Variants in PHF21A observed in about 807,000 individuals in gnomAD.
PHF21A encodes PHD finger protein 21A, also known as BHC80a.
A neutral mutation model predicts 82.5 loss-of-function variants in PHF21A; 11 were observed. The observed-to-expected ratio is 0.13, with a 90% CI of 0.08 to 0.22. The LOEUF (loss-of-function observed/expected upper bound fraction) is 0.22, where lower values mean the gene tolerates loss of function less well. Among genes scored for constraint, PHF21A ranks in the 10% least tolerant of loss-of-function variants. The probability of loss-of-function intolerance (pLI) is 1.00; values close to 1 mark genes in which losing one functional copy is unlikely to be tolerated. For missense variants in PHF21A, 579 were observed against 837.8 expected, an observed-to-expected ratio of 0.69 and a Z score of 3.81; for synonymous variants, 297 against 302.8, an observed-to-expected ratio of 0.98 and a Z score of 0.20.
intron 7 of PHF21A, among the ~76,000 whole-genome samples, chr11:45,974,439 T>G (rs1238368791): frequency 6.6e-6 from 1 of 150,592 alleles, no homozygotes; most frequent in Non-Finnish European, 1.5e-5. Flanking sequence ...TTATTATTAT[T>G]ATTATTATTA....
At chr11:46,084,386 A>G (rs1277271294) in intron 3 of PHF21A, 84 bp from the exon 4 acceptor site, 2 of 501,622 alleles carry the variant, frequency 4.0e-6, no homozygotes, top group Non-Finnish European at 3.3e-6. Context: ...TAGTAAAAGA[A>G]TATCTGATTC....
At chr11:45,952,210 C>T (rs191699060) in intron 11 of PHF21A, among the ~76,000 whole-genome samples, 1 of 152,244 alleles carries the variant, frequency 6.6e-6, no homozygotes, top group Admixed American at 6.5e-5. Context: ...TGATTCTGTC[C>T]AACTAGAAGG....
rs532473580 is a variant in PHF21A at position 45,965,380 on chromosome 11, T to C, written c.931A>G (p.Thr311Ala). Residue 311 changes from threonine (T) to alanine (A), a missense_variant, in exon 10 of 19, where the codon ACT (threonine) becomes GCT (alanine). This residue lies in a region of PHF21A where 410 missense variants were observed against 642.1 expected (regional missense o/e 0.64). Coordinates refer to ENST00000676320, the MANE Select transcript of PHF21A (RefSeq NM_001352027.3). The part of the protein sequence containing the change: ...MAQLTSIVIA[T>A]PGTRLAGPQT... ...GGTCCAGCGAGTCTGGTCCCTGGAG[T>C]AGCTATCACAATGCTGGTGAGCTGG... The C allele has an allele frequency of 4.3e-6, 7 of 1,614,038 alleles. No individual in the cohort carries two copies. In the South Asian group the frequency reaches 6.6e-5, roughly 15 times the overall value.
At chr11:46,038,651 GC>G (rs2096065099) in intron 6 of PHF21A, among the ~76,000 whole-genome samples, 1 of 152,178 alleles carries the variant, frequency 6.6e-6, no homozygotes, top group African/African-American at 2.4e-5. Flanking sequence ...TCTGGTGAGA[GC>G]TTTTTTGCTC....
At chr11:45,982,373 C>T (rs2094335815) in intron 6 of PHF21A, among the ~76,000 whole-genome samples, 1 of 151,962 alleles carries the variant, frequency 6.6e-6, no homozygotes, top group African/African-American at 2.4e-5. Context: ...GCTAGCACTG[C>T]CTCTCTGAGT....
At chr11:46,101,093 C>T (rs947915460) in intron 1 of PHF21A, among the ~76,000 whole-genome samples, 5 of 152,178 alleles carry the variant, frequency 3.3e-5, no homozygotes, top group Admixed American at 1.3e-4. Context: ...TCCATACAAC[C>T]ATCACAGACA....
intron 6 of PHF21A, among the ~76,000 whole-genome samples, chr11:46,057,841 T>A (rs2096482160): frequency 1.3e-5 from 2 of 152,064 alleles, no homozygotes; most frequent in South Asian, 4.2e-4. Context: ...AAAAATATGG[T>A]GCTTAAGGGA....
intron 1 of PHF21A, among the ~76,000 whole-genome samples, chr11:46,099,523 GACACACACACACACAC>G (rs71038882): frequency 2.2e-5 from 3 of 137,590 alleles, no homozygotes; most frequent in South Asian, 2.5e-4. Context: ...AGAAAAATTA[GACACACACACACACAC>G]ACACACACAC....
chr11:46,117,130 T>C (rs986921692), intron 1 of PHF21A: 12 of 152,218 alleles, frequency 7.9e-5, no homozygotes, highest in African/African-American at 2.2e-4. Context: ...TTTCTTACCA[T>C]TTATGAAGAA....
At chr11:46,118,628 A>C (rs1276940143) in intron 1 of PHF21A, 2 of 152,204 alleles carry the variant, frequency 1.3e-5, no homozygotes, top group Non-Finnish European at 2.9e-5. Context: ...CTGGGATTTG[A>C]AAATGTATTT....
chr11:46,035,161 C>A (rs1043278024), intron 6 of PHF21A, among the ~76,000 whole-genome samples: 1 of 152,144 alleles, frequency 6.6e-6, no homozygotes, highest in Non-Finnish European at 1.5e-5. Context: ...CTAGTTTGAG[C>A]TGAATGTGTA....
At chr11:45,963,781 G>A (rs978713747) in intron 10 of PHF21A, among the ~76,000 whole-genome samples, 2 of 152,212 alleles carry the variant, frequency 1.3e-5, no homozygotes, top group African/African-American at 4.8e-5. Flanking sequence ...TTCTTTGAGA[G>A]CCAGTGCAAA....
At chr11:46,026,127 T>C (rs1202129652) in intron 6 of PHF21A, among the ~76,000 whole-genome samples, 1 of 152,222 alleles carries the variant, frequency 6.6e-6, no homozygotes, top group Non-Finnish European at 1.5e-5. Flanking sequence ...AGACCTGGGC[T>C]AAGGTTAAAC....
Position 45,929,930 on chromosome 11 carries a change from G to T in PHF21A, c.*4038C>A, listed in dbSNP as rs911250162. 1.3e-5 allele frequency: 2 copies of T among 152,216 alleles called. No homozygotes were observed. The highest frequency in any genetic ancestry group is 4.8e-5 in the African/African-American group (2 of 41,398). 9.4% of individuals were successfully genotyped at this position (152,216 alleles called of 1,614,324 possible). On this transcript the variant is annotated 3_prime_UTR_variant, in exon 19 of 19. Coordinates refer to ENST00000676320, the MANE Select transcript of PHF21A (RefSeq NM_001352027.3). Reference sequence around the variant, plus strand: ...TCCTGCCAGGGGTGCCCGGCAGAGGGACAGGGGCGAGGTTCACACAGAGCA... The same window carrying T: ...TCCTGCCAGGGGTGCCCGGCAGAGGTACAGGGGCGAGGTTCACACAGAGCA...
At chr11:46,027,707 G>A (rs963959122) in intron 6 of PHF21A, among the ~76,000 whole-genome samples, 2 of 152,112 alleles carry the variant, frequency 1.3e-5, no homozygotes, top group South Asian at 2.1e-4. Flanking sequence ...ATGAGAAGAC[G>A]CCTATTGTTC....
intron 8 of PHF21A, chr11:45,970,758 A>G (rs1404414361): frequency 9.3e-6 from 2 of 213,946 alleles, no homozygotes; most frequent in Admixed American, 5.2e-5. Context: ...ATACAGCACA[A>G]GAGAGTTTAA....
intron 18 of PHF21A, chr11:45,934,473 CA>C (rs1221258401): frequency 2.0e-6 from 1 of 497,686 alleles, no homozygotes; most frequent in African/African-American, 2.0e-5. Context: ...AGCATGCGGG[CA>C]CCAACACACA....
At chr11:45,973,408 T>A (rs148943112) in intron 7 of PHF21A, among the ~76,000 whole-genome samples, 1 of 152,368 alleles carries the variant, frequency 6.6e-6, no homozygotes, top group African/African-American at 2.4e-5. Flanking sequence ...GAGTTACTTA[T>A]CTCTATTTTT....
chr11:45,981,468 T>C (rs2056261), intron 6 of PHF21A, among the ~76,000 whole-genome samples: 2 of 149,154 alleles, frequency 1.3e-5, no homozygotes, highest in Non-Finnish European at 3.0e-5. Context: ...ATGTGTAAAG[T>C]GGTGGGACCA....
Sources: gnomAD v4.1 joint callset for allele counts (sites outside exome capture counted in the v4.1 genomes callset) on GRCh38, gnomAD v4.1.1 for gene constraint, gnomAD v4.1.1 regional missense constraint, MANE v1.5 for transcripts, NCBI Gene and HGNC (gene_info 2026-07-23, HGNC 2026-07-21) for gene names.